The following TMEM192 variants were observed in gnomAD, a reference collection of about 807,000 sequenced individuals.
TMEM192 encodes transmembrane protein 192.
A neutral mutation model predicts 26.7 loss-of-function variants in TMEM192; 20 were observed. The ratio of observed to expected loss-of-function variants is 0.75; its 90% CI spans 0.53 to 1.09. The LOEUF (loss-of-function observed/expected upper bound fraction) is 1.09. Ranked by LOEUF, TMEM192 falls within the 50% of genes least tolerant of loss-of-function variation. The pLI, the probability that TMEM192 is intolerant of heterozygous loss-of-function variation, is 0.00. For synonymous variants in TMEM192, 124 were observed against 121.0 expected (o/e 1.02, Z -0.16); for missense variants, 304 against 322.6 (o/e 0.94, Z 0.44).
chr4:165,079,928 G>A, intron 5 of TMEM192, 132 bp from the exon 6 acceptor site: 1 of 687,770 alleles, frequency 1.5e-6, no homozygotes, highest in Non-Finnish European at 2.2e-6. Context: ...TCAGAAGCCA[G>A]GGTAATATTG....
At chr4:165,094,076 T>A (rs199918958) in intron 3 of TMEM192, among the ~76,000 whole-genome samples, 1 of 151,804 alleles carries the variant, frequency 6.6e-6, no homozygotes, top group Non-Finnish European at 1.5e-5. Context: ...ATTTTTTGTA[T>A]TTTTAGTAGA....
At chr4:165,095,051 TG>T (rs1376500092) in intron 3 of TMEM192, among the ~76,000 whole-genome samples, 1 of 152,038 alleles carries the variant, frequency 6.6e-6, no homozygotes, top group Non-Finnish European at 1.5e-5. Context: ...TCCTGTGGGC[TG>T]GGCGGTCCTG....
chr4:165,106,238 C>T (rs1735155321), intron 1 of TMEM192, among the ~76,000 whole-genome samples: 1 of 152,158 alleles, frequency 6.6e-6, no homozygotes, highest in Non-Finnish European at 1.5e-5. Flanking sequence ...AAAATCATTA[C>T]CATTCTAACT....
chr4:165,079,734 C>T lies in TMEM192; in HGVS notation c.740G>A (p.Arg247Gln), dbSNP rs528707594. ...TCGCTTACTCAGCAGCGCATTGTGT[C>T]GCTTCAGGTATTCAATGGTGTCTCC... ...KQGDTIEYLKRHNALLSKRLL... is the reference protein window; with the variant it reads ...KQGDTIEYLKQHNALLSKRLL... The change falls in exon 6 of 6, where the codon CGA becomes CAA. Residue 247 changes from arginine (R) to glutamine (Q), a missense_variant. Arg to Gln is a conservative substitution (Grantham distance 43). Coordinates refer to ENST00000306480, the MANE Select transcript of TMEM192 (RefSeq NM_001100389.2). 19 of 1,614,022 alleles carry T rather than the reference C, an allele frequency of 1.2e-5. No homozygotes were observed. The East Asian group carries it at 1.3e-4, about 11-fold the overall frequency.
At chr4:165,080,825 C>T (rs564414131) in intron 5 of TMEM192, among the ~76,000 whole-genome samples, 4 of 152,150 alleles carry the variant, frequency 2.6e-5, no homozygotes, top group Admixed American at 1.3e-4. Context: ...AGCGATTCTC[C>T]TGCCTCAGCC....
At chr4:165,086,140 G>C (rs928681874) in intron 4 of TMEM192, among the ~76,000 whole-genome samples, 1 of 152,148 alleles carries the variant, frequency 6.6e-6, no homozygotes, top group Admixed American at 6.6e-5. Context: ...CTTGCACAAG[G>C]AGTTGTCAAG....
chr4:165,089,352 A>G (rs918983623), intron 3 of TMEM192, among the ~76,000 whole-genome samples: 6 of 151,732 alleles, frequency 4.0e-5, no homozygotes, highest in Non-Finnish European at 8.8e-5. Flanking sequence ...ACGGAGTCTC[A>G]CTCTGTCGCC....
intron 3 of TMEM192, among the ~76,000 whole-genome samples, chr4:165,093,737 A>G (rs1309271817): frequency 6.6e-6 from 1 of 152,066 alleles, no homozygotes; most frequent in Non-Finnish European, 1.5e-5. Context: ...TAGTCTAATA[A>G]TGGTGACTTT....
rs747668000 is a variant in TMEM192 at position 165,085,663 on chromosome 4, A to C, written c.600T>G (p.Ala200=). ...CTTCAAGTATATCAGGCTCTGGTTT[A>C]GCTTTATTAAATCTCCGGATTTTCA... The part of the protein sequence containing the change: ...YTVKIRRFNK[A]KPEPDILEEE... Residue 200 remains alanine, a synonymous_variant, in exon 5 of 6, where the codon GCT becomes GCG. Coordinates refer to ENST00000306480, the MANE Select transcript of TMEM192 (RefSeq NM_001100389.2). The C allele has an allele frequency of 1.2e-6, 2 of 1,609,158 alleles. No homozygotes were observed. The highest frequency in any genetic ancestry group is 3.4e-5 in the Admixed American group (2 of 59,140).
rs1374939082 is a variant in TMEM192 at position 165,073,336 on chromosome 4, T to C, written c.*6322A>G. 3 of 152,292 alleles carry C rather than the reference T, an allele frequency of 2.0e-5. No homozygotes were observed. The highest frequency in any genetic ancestry group is 1.9e-4 in the East Asian group (1 of 5,206). 9.4% of individuals were successfully genotyped at this position (152,292 alleles called of 1,614,324 possible). On this transcript the variant is annotated 3_prime_UTR_variant, in exon 6 of 6. Transcript: ENST00000306480. The stretch of plus-strand genomic sequence containing the variant: ...GATTTAGGGCTGTGCAGGATGTGCC[T>C]TGTTAACAATATGTTTGCAGGTGGT...
chr4:165,079,371 G>GT lies in TMEM192; in HGVS notation c.*286dup, dbSNP rs1734465994. 1 of 299,112 alleles carries GT rather than the reference G, an allele frequency of 3.3e-6. No individual in the cohort carries two copies. The highest frequency in any genetic ancestry group is 2.2e-5 in the African/African-American group (1 of 46,298). 18.5% of individuals were successfully genotyped at this position (299,112 alleles called of 1,614,324 possible). ...CAGGTGGAAAAGTGTTGACTATGGA[G>GT]TTGTTTAGCCTCTGATCCTAGGATA... On this transcript the variant is annotated 3_prime_UTR_variant, in exon 6 of 6. Coordinates refer to ENST00000306480, the MANE Select transcript of TMEM192 (RefSeq NM_001100389.2).
chr4:165,101,029 T>G (rs1054058106), intron 2 of TMEM192, 137 bp from the exon 3 acceptor site: 1 of 926,880 alleles, frequency 1.1e-6, no homozygotes, highest in East Asian at 2.9e-5. Context: ...CAGGCTGGAG[T>G]GCAGTGGCGC....
At chr4:165,087,507 C>A (rs1204957110) in intron 4 of TMEM192, among the ~76,000 whole-genome samples, 1 of 152,172 alleles carries the variant, frequency 6.6e-6, no homozygotes, top group Non-Finnish European at 1.5e-5. Context: ...CAAGTGGATG[C>A]AGGCTGGTAT....
At position 165,076,715 on chromosome 4, in the gene TMEM192, AT is replaced by A. The variant is rs2111253773; in HGVS notation, c.*2942del. On this transcript the variant is annotated 3_prime_UTR_variant, in exon 6 of 6. Coordinates refer to ENST00000306480, the MANE Select transcript of TMEM192 (RefSeq NM_001100389.2). ...TGTAAGCTGCCAACCAGAGTCTTTA[AT>A]TTTTGTATCCTCAGTGCTAGCACAA... is the stretch of plus-strand genomic sequence containing the variant. 6.6e-6 allele frequency: 1 copy of A among 152,256 alleles called. No individual in the cohort carries two copies. The highest frequency in any genetic ancestry group is 2.4e-5 in the African/African-American group (1 of 41,550). The allele number at this position is 152,256 out of a possible 1,614,324, so 9.4% of individuals were successfully genotyped here.
intron 3 of TMEM192, among the ~76,000 whole-genome samples, chr4:165,091,136 G>A (rs1042762152): frequency 6.6e-6 from 1 of 151,622 alleles, no homozygotes; most frequent in African/African-American, 2.4e-5. Context: ...GCGTGGTGGC[G>A]GGCGCCTGTA....
intron 1 of TMEM192, among the ~76,000 whole-genome samples, chr4:165,106,251 T>C (rs1735155846): frequency 6.6e-6 from 1 of 152,208 alleles, no homozygotes; most frequent in Non-Finnish European, 1.5e-5. Context: ...TTCTAACTCC[T>C]AAACCTGTTA....
chr4:165,086,330 G>C (rs1280859404), intron 4 of TMEM192, among the ~76,000 whole-genome samples: 1 of 152,120 alleles, frequency 6.6e-6, no homozygotes, highest in Non-Finnish European at 1.5e-5. Context: ...GTATGTATGG[G>C]TGTGAGGGTG....
intron 3 of TMEM192, among the ~76,000 whole-genome samples, chr4:165,091,482 T>C (rs1734761935): frequency 6.6e-6 from 1 of 152,132 alleles, no homozygotes; most frequent in Admixed American, 6.6e-5. Flanking sequence ...ATTAAACTGT[T>C]GTAGGGAAAA....
chr4:165,101,550 T>C (rs1226439210), intron 2 of TMEM192, among the ~76,000 whole-genome samples: 1 of 151,998 alleles, frequency 6.6e-6, no homozygotes, highest in African/African-American at 2.4e-5. Flanking sequence ...GAAGTTTTTA[T>C]AGAGACAGGT....
Sources: gnomAD v4.1 joint callset for allele counts (sites outside exome capture counted in the v4.1 genomes callset) on GRCh38, gnomAD v4.1.1 for gene constraint, MANE v1.5 for transcripts, NCBI Gene and HGNC (gene_info 2026-07-23, HGNC 2026-07-21) for gene names.